Variants in IL23R observed in about 807,000 individuals in gnomAD.
IL23R encodes the protein interleukin 23 receptor, also known as interleukin-23 receptor.
A neutral mutation model predicts 56.9 loss-of-function variants in IL23R; 34 were observed. The observed-to-expected ratio is 0.60, with a 90% confidence interval of 0.45 to 0.80. The LOEUF (loss-of-function observed/expected upper bound fraction) is 0.80, where lower values mean the gene tolerates loss of function less well. Ranked by LOEUF, IL23R falls within the 30% of genes least tolerant of loss-of-function variation. IL23R has a pLI of 0.00. For synonymous variants in IL23R, 230 were observed against 249.2 expected (o/e 0.92, Z 0.73); for missense variants, 635 against 730.0 (o/e 0.87, Z 1.50).
At chr1:67,255,645 C>T (rs1176760138) in intron 9 of IL23R, among the ~76,000 whole-genome samples, 192 bp from the exon 10 acceptor site, 1 of 152,028 alleles carries the variant, frequency 6.6e-6, no homozygotes, top group East Asian at 1.9e-4. Context: ...TGCTATGTTG[C>T]CCAGGCTGGT....
intron 1 of IL23R, among the ~76,000 whole-genome samples, chr1:67,140,509 T>C (rs1570748595): frequency 6.6e-6 from 1 of 152,304 alleles, no homozygotes; most frequent in East Asian, 1.9e-4. Flanking sequence ...CAATAAAATA[T>C]AATCTTTTTC....
At chr1:67,181,567 C>T (rs1053858670) in intron 3 of IL23R, among the ~76,000 whole-genome samples, 1 of 152,120 alleles carries the variant, frequency 6.6e-6, no homozygotes, top group African/African-American at 2.4e-5. Context: ...ACTTCTTTGC[C>T]ATGGGTTCAA....
intron 1 of IL23R, among the ~76,000 whole-genome samples, chr1:67,166,916 T>C (rs1004581714): frequency 3.3e-5 from 5 of 152,226 alleles, no homozygotes; most frequent in African/African-American, 1.2e-4. Flanking sequence ...TGTAGTTTTA[T>C]AGAAAAAGCT....
chr1:67,183,607 A>G (rs1183600757), intron 4 of IL23R, among the ~76,000 whole-genome samples: 1 of 152,186 alleles, frequency 6.6e-6, no homozygotes, highest in Admixed American at 6.5e-5. Context: ...TCAACAACTT[A>G]ATTTCCCCGA....
chr1:67,155,166 G>T (rs1646760831), intron 1 of IL23R, among the ~76,000 whole-genome samples: 1 of 152,178 alleles, frequency 6.6e-6, no homozygotes, highest in South Asian at 2.1e-4. Flanking sequence ...TCTGCTGTTA[G>T]TCTGATGGGC....
chr1:67,139,535 A>G (rs999399316), intron 1 of IL23R, among the ~76,000 whole-genome samples: 8 of 152,252 alleles, frequency 5.3e-5, no homozygotes, highest in African/African-American at 1.9e-4. Context: ...TTTCCCCATA[A>G]GTCTTTTTCT....
chr1:67,217,280 T>C (rs1649908650), intron 6 of IL23R, among the ~76,000 whole-genome samples: 1 of 152,194 alleles, frequency 6.6e-6, no homozygotes, highest in Admixed American at 6.5e-5. Flanking sequence ...AGGCACTCAA[T>C]TAAGTCCAGC....
chr1:67,203,799 T>C (rs1484373108), intron 5 of IL23R, among the ~76,000 whole-genome samples: 1 of 151,762 alleles, frequency 6.6e-6, no homozygotes, highest in Non-Finnish European at 1.5e-5. Context: ...ATTAGGGAGG[T>C]TATGCTGAAT....
intron 9 of IL23R, among the ~76,000 whole-genome samples, chr1:67,247,091 T>A (rs1652273912): frequency 6.6e-6 from 1 of 152,180 alleles, no homozygotes; most frequent in Non-Finnish European, 1.5e-5. Context: ...TCTTTTGATC[T>A]TTGTTGGTTT....
chr1:67,151,215 G>A (rs185944146), intron 1 of IL23R, among the ~76,000 whole-genome samples: 104 of 152,264 alleles, frequency 6.8e-4, no homozygotes, highest in African/African-American at 2.4e-3. Flanking sequence ...GTGGTGATGT[G>A]CTTTTTTTCA....
intron 1 of IL23R, among the ~76,000 whole-genome samples, chr1:67,149,104 A>G (rs564662399): frequency 5.9e-5 from 9 of 152,210 alleles, no homozygotes; most frequent in Admixed American, 2.0e-4. Flanking sequence ...ACTCACTCCC[A>G]ATCATAGGGT....
chr1:67,178,490 G>C (rs6660812), intron 3 of IL23R, among the ~76,000 whole-genome samples: 82,410 of 152,022 alleles, frequency 0.54, 22,628 homozygotes, highest in East Asian at 0.67. Flanking sequence ...CTTTGCTAAA[G>C]TTGCCTATCA....
At chr1:67,150,870 T>TA (rs1646722762) in intron 1 of IL23R, among the ~76,000 whole-genome samples, 2 of 152,148 alleles carry the variant, frequency 1.3e-5, no homozygotes, top group East Asian at 3.9e-4. Context: ...GGTATTTGGG[T>TA]TGGTTCCATG....
chr1:67,157,125 C>T (rs1235139188), intron 1 of IL23R, among the ~76,000 whole-genome samples: 2 of 152,144 alleles, frequency 1.3e-5, no homozygotes, highest in Non-Finnish European at 2.9e-5. Context: ...ATGGGTCGCA[C>T]CCACTGCATA....
rs1284581729 is a variant in IL23R at position 67,207,067 on chromosome 1, T to C, written c.798+12T>C. On this transcript the variant is annotated intron_variant, in intron 6 of 10. Coordinates refer to ENST00000347310, the MANE Select transcript of IL23R (RefSeq NM_144701.3). The stretch of plus-strand genomic sequence containing the variant: ...ACCAAACTTGGAATGTAAGCTCAAC[T>C]TTCATTATGCTTTAGCATGTGAATG... 6.8e-6 allele frequency: 11 copies of C among 1,613,592 alleles called. No homozygotes were observed. Among genetic ancestry groups the C allele is most frequent in the Non-Finnish European group, 9.3e-6 (11 of 1,179,674 alleles).
intron 6 of IL23R, among the ~76,000 whole-genome samples, chr1:67,211,484 C>G (rs1649465554): frequency 6.6e-6 from 1 of 152,002 alleles, no homozygotes; most frequent in African/African-American, 2.4e-5. Flanking sequence ...TTAGCCAAGC[C>G]TGGTGGTGTG....
intron 9 of IL23R, among the ~76,000 whole-genome samples, chr1:67,255,178 G>A (rs1652872379): frequency 6.6e-6 from 1 of 152,116 alleles, no homozygotes; most frequent in Admixed American, 6.6e-5. Context: ...TATCCCTTAA[G>A]TTTTTTGAAC....
chr1:67,200,126 T>G (rs1004281165), intron 4 of IL23R, among the ~76,000 whole-genome samples: 2 of 152,068 alleles, frequency 1.3e-5, no homozygotes, highest in Admixed American at 6.5e-5. Context: ...TGCAAGCTCC[T>G]CCTCCTGGGT....
At chr1:67,182,247 A>C (rs1647157005) in intron 3 of IL23R, among the ~76,000 whole-genome samples, 1 of 152,232 alleles carries the variant, frequency 6.6e-6, no homozygotes, top group Non-Finnish European at 1.5e-5. Flanking sequence ...CTACAGAGGC[A>C]GGCAGTCAGG....
Sources: gnomAD v4.1 joint callset for allele counts (sites outside exome capture counted in the v4.1 genomes callset) on GRCh38, gnomAD v4.1.1 for gene constraint, MANE v1.5 for transcripts, NCBI Gene and HGNC (gene_info 2026-07-23, HGNC 2026-07-21) for gene names.